ZDHHC14: variants seen among roughly 807,000 people sequenced by gnomAD.
ZDHHC14 encodes palmitoyltransferase ZDHHC14.
Under a neutral mutation model 47.7 loss-of-function variants are expected in ZDHHC14, and 16 were observed. The ratio of observed to expected loss-of-function variants is 0.34; its 90% CI spans 0.23 to 0.51. The LOEUF (loss-of-function observed/expected upper bound fraction) is 0.51, where lower values mean the gene tolerates loss of function less well. Ranked by LOEUF, ZDHHC14 falls within the 20% of genes least tolerant of loss-of-function variation. The pLI, the probability that ZDHHC14 is intolerant of heterozygous loss-of-function variation, is 0.97. For missense variants in ZDHHC14, 515 were observed against 662.5 expected, an observed-to-expected ratio of 0.78 and a Z score of 2.44; for synonymous variants, 293 against 278.9, an observed-to-expected ratio of 1.05 and a Z score of -0.50.
At chr6:157,392,544 C>T (rs1383536830) in intron 1 of ZDHHC14, among the ~76,000 whole-genome samples, 2 of 151,978 alleles carry the variant, frequency 1.3e-5, no homozygotes, top group Non-Finnish European at 2.9e-5. Context: ...TCTGATTGAA[C>T]CAGCCAGGCC....
In ZDHHC14 at chr6:157,673,350, A is replaced by G; in HGVS notation, c.*228A>G. The G allele has an allele frequency of 1.8e-6, 1 of 570,612 alleles. No homozygotes were observed. Among genetic ancestry groups the G allele is most frequent in the South Asian group, 2.7e-5 (1 of 37,680 alleles). 35.3% of individuals were successfully genotyped at this position (570,612 alleles called of 1,614,324 possible). ...CCCCAACCTGAGTGCTTTGACAACA[A>G]TGGAAATAGAGAAGTGGCTGCTTTC... On this transcript the variant is annotated 3_prime_UTR_variant, in exon 9 of 9. Coordinates refer to ENST00000359775, the MANE Select transcript of ZDHHC14 (RefSeq NM_024630.3). This position sits in a 1 kb window ranked among gnomAD's most constrained non-coding sequence, Gnocchi z 5.4.
intron 2 of ZDHHC14, among the ~76,000 whole-genome samples, chr6:157,578,349 AT>A (rs1238951489): frequency 6.6e-6 from 1 of 152,178 alleles, no homozygotes; most frequent in East Asian, 1.9e-4. Flanking sequence ...TCTTTAATCC[AT>A]CTTAAGTTGA....
intron 7 of ZDHHC14, among the ~76,000 whole-genome samples, chr6:157,650,218 C>T (rs1261896906): frequency 6.6e-6 from 1 of 152,190 alleles, no homozygotes; most frequent in African/African-American, 2.4e-5. Context: ...TGTGAACTCT[C>T]CCAAGGGTGA....
chr6:157,541,505 A>T (rs1283548282), intron 1 of ZDHHC14, among the ~76,000 whole-genome samples: 1 of 152,122 alleles, frequency 6.6e-6, no homozygotes. Context: ...CCAGCTCCCC[A>T]TCTCTGTTTT....
intron 1 of ZDHHC14, among the ~76,000 whole-genome samples, chr6:157,422,718 A>G (rs1778136458): frequency 6.6e-6 from 1 of 152,244 alleles, no homozygotes; most frequent in Non-Finnish European, 1.5e-5. Flanking sequence ...CTCTGTGATA[A>G]CCAGGAGGAG....
chr6:157,648,473 A>G (rs1388490617), intron 7 of ZDHHC14, among the ~76,000 whole-genome samples: 2 of 150,698 alleles, frequency 1.3e-5, no homozygotes, highest in Non-Finnish European at 2.9e-5. Flanking sequence ...TTCCAAGGCC[A>G]TCTGTGCACT....
chr6:157,507,811 C>A (rs1780365969), intron 1 of ZDHHC14, among the ~76,000 whole-genome samples: 1 of 152,206 alleles, frequency 6.6e-6, no homozygotes, highest in African/African-American at 2.4e-5. Flanking sequence ...AAGGAACATC[C>A]TTCCTGTTCC....
chr6:157,641,881 T>C (rs1213885742), intron 5 of ZDHHC14, among the ~76,000 whole-genome samples: 1 of 152,208 alleles, frequency 6.6e-6, no homozygotes, highest in East Asian at 1.9e-4. Context: ...TTTATTTTTT[T>C]CTAAATGTTT....
At chr6:157,407,133 C>T (rs1045898101) in intron 1 of ZDHHC14, among the ~76,000 whole-genome samples, 6 of 152,186 alleles carry the variant, frequency 3.9e-5, no homozygotes, top group African/African-American at 1.2e-4. Context: ...TAGGTGGTTT[C>T]GTGGCTCAAA....
intron 1 of ZDHHC14, among the ~76,000 whole-genome samples, chr6:157,490,166 A>C (rs1351648757): frequency 6.6e-6 from 1 of 152,192 alleles, no homozygotes; most frequent in Non-Finnish European, 1.5e-5. Flanking sequence ...CGAGGGGGGA[A>C]CAGGTCTTTT....
At chr6:157,458,871 T>TTTTTTTTTTTTTTTTA (rs1491563247) in intron 1 of ZDHHC14, among the ~76,000 whole-genome samples, 1 of 115,320 alleles carries the variant, frequency 8.7e-6, no homozygotes, top group African/African-American at 2.8e-5. Flanking sequence ...TTTTTTTTTT[T>TTTTTTTTTTTTTTTTA]GAGACGGAGT....
chr6:157,531,171 C>T (rs1002281539), intron 1 of ZDHHC14, among the ~76,000 whole-genome samples: 2 of 152,026 alleles, frequency 1.3e-5, no homozygotes, highest in Admixed American at 1.3e-4. Context: ...CCAGATGTCC[C>T]GGGTCTGCTC....
intron 1 of ZDHHC14, among the ~76,000 whole-genome samples, chr6:157,513,308 C>T (rs1306155454): frequency 2.0e-5 from 3 of 152,214 alleles, no homozygotes; most frequent in Admixed American, 2.0e-4. Flanking sequence ...CAAGAGTTGC[C>T]ACTTATATGG....
intron 1 of ZDHHC14, among the ~76,000 whole-genome samples, chr6:157,438,180 G>GA (rs761037969): frequency 1.3e-5 from 2 of 152,024 alleles, no homozygotes; most frequent in African/African-American, 4.8e-5. Context: ...AATTTACCCA[G>GA]AAAAAAATAT....
intron 1 of ZDHHC14, among the ~76,000 whole-genome samples, chr6:157,387,516 C>T (rs530505427): frequency 1.8e-4 from 28 of 152,168 alleles, no homozygotes; most frequent in Non-Finnish European, 3.5e-4. Context: ...AGTGCTGTGC[C>T]TCATAGAACA....
intron 1 of ZDHHC14, among the ~76,000 whole-genome samples, chr6:157,421,151 T>C (rs1238617381): frequency 1.3e-5 from 2 of 151,944 alleles, no homozygotes; most frequent in African/African-American, 4.8e-5. Flanking sequence ...AGAATTGATA[T>C]CAAGTAGACT....
In ZDHHC14 at chr6:157,654,191, C is replaced by T. The variant is rs527703716; in HGVS notation, c.1068+564C>T. 5.6e-4 allele frequency among the ~76,000 whole-genome samples: 85 copies of T among 152,264 alleles called. 3 individuals are homozygous for T. In the South Asian group the frequency reaches 0.014, roughly 25 times the overall value. On this transcript the variant is annotated intron_variant, in intron 8 of 8. Transcript: ENST00000359775. ...TGTGCACATCTCACGCTTTCTTCGA[C>T]GGGTGGACATGCTTTGCTTGCAGTG...
chr6:157,444,675 C>CAA (rs34402178), intron 1 of ZDHHC14, among the ~76,000 whole-genome samples: 1,650 of 118,246 alleles, frequency 0.014, 33 homozygotes, highest in African/African-American at 0.05. Context: ...GAGACTCCGT[C>CAA]AAAAAAAAAA....
chr6:157,493,418 C>G (rs772401669), intron 1 of ZDHHC14, among the ~76,000 whole-genome samples: 5 of 152,204 alleles, frequency 3.3e-5, no homozygotes, highest in African/African-American at 1.2e-4. Flanking sequence ...CTGCAGAGGC[C>G]GGACACACAG....
Sources: gnomAD v4.1 joint callset for allele counts (sites outside exome capture counted in the v4.1 genomes callset) on GRCh38, gnomAD v4.1.1 for gene constraint, Gnocchi (gnomAD v3.1) non-coding constraint, MANE v1.5 for transcripts, NCBI Gene and HGNC (gene_info 2026-07-23, HGNC 2026-07-21) for gene names.